The following CYP2U1 variants were observed in gnomAD, a reference collection of about 807,000 sequenced individuals.
CYP2U1 encodes the protein cytochrome P450 family 2 subfamily U member 1.
CYP2U1 carries 28 observed loss-of-function variants against 42.8 expected under a neutral mutation model. That is an observed-to-expected ratio of 0.65 (90% confidence interval 0.48 to 0.90). The LOEUF is 0.90. Among genes scored for constraint, CYP2U1 ranks in the 40% least tolerant of loss-of-function variants. The pLI is 0.00. For synonymous variants in CYP2U1, 296 were observed against 278.9 expected, an observed-to-expected ratio of 1.06 and a Z score of -0.61; for missense variants, 642 against 693.8, an observed-to-expected ratio of 0.93 and a Z score of 0.84.
rs182354001 is a variant in CYP2U1 at position 107,944,089 on chromosome 4, T to C, written c.491-881T>C. 6.4e-4 allele frequency among the ~76,000 whole-genome samples: 98 copies of C among 152,300 alleles called. 1 individual carries two copies. In the South Asian group the frequency reaches 0.019, roughly 30 times the overall value. ...TCCAAATTTTGATGTCCAGTAGTTCTAATCTAGTTGGGCTATTCATTTAGT... is the reference window on the plus strand; with the variant it reads ...TCCAAATTTTGATGTCCAGTAGTTCCAATCTAGTTGGGCTATTCATTTAGT... On this transcript the variant is annotated intron_variant, in intron 1 of 4. Transcript: ENST00000332884.
At chr4:107,937,434 C>T (rs1733311750) in intron 1 of CYP2U1, 1 of 152,056 alleles carries the variant, frequency 6.6e-6, no homozygotes, top group Non-Finnish European at 1.5e-5. Context: ...ACAACATCCT[C>T]TGTTCAGTAG....
At chr4:107,935,516 A>G (rs1184003966) in intron 1 of CYP2U1, 13 of 152,238 alleles carry the variant, frequency 8.5e-5, no homozygotes, top group Admixed American at 8.5e-4. Flanking sequence ...CATGAAGTAA[A>G]TGCTTGTGGA....
intron 2 of CYP2U1, 57 bp from the exon 3 acceptor site, chr4:107,947,319 G>A (rs2126200873): frequency 1.3e-6 from 2 of 1,505,706 alleles, no homozygotes; most frequent in South Asian, 1.2e-5. Flanking sequence ...GCAGAGGAGG[G>A]CACGTTCGAC....
intron 1 of CYP2U1, chr4:107,940,262 T>TTA (rs1553937016): frequency 6.6e-6 from 1 of 151,460 alleles, no homozygotes; most frequent in Non-Finnish European, 1.5e-5. Flanking sequence ...ATTTTTTTTT[T>TTA]ATTTTTTAAA....
chr4:107,949,662 C>T (rs1194935309), intron 4 of CYP2U1, 145 bp downstream of exon 4: 2 of 693,520 alleles, frequency 2.9e-6, no homozygotes, highest in East Asian at 6.3e-5. Context: ...AAGGCATCTC[C>T]CCTATGTTCA....
intron 1 of CYP2U1, among the ~76,000 whole-genome samples, chr4:107,944,508 G>C (rs1009306697): frequency 6.0e-5 from 9 of 149,382 alleles, no homozygotes; most frequent in African/African-American, 2.0e-4. Flanking sequence ...GTCTTGTTCT[G>C]TTGCCCAAGC....
intron 1 of CYP2U1, chr4:107,936,097 GTCT>G (rs1000683169): frequency 2.0e-5 from 3 of 152,002 alleles, no homozygotes; most frequent in Admixed American, 6.6e-5. Flanking sequence ...AGACAAGGTG[GTCT>G]TCTTCTTAAG....
At chr4:107,947,678 T>G in intron 3 of CYP2U1, 141 bp downstream of exon 3, 4 of 833,130 alleles carry the variant, frequency 4.8e-6, no homozygotes, top group Non-Finnish European at 7.4e-6. Flanking sequence ...TGTAATAAAA[T>G]GTCTAGGGAA....
At position 107,949,354 on chromosome 4, in the gene CYP2U1, C is replaced by A; in HGVS notation, c.1293C>A (p.Leu431=). The A allele has an allele frequency of 1.3e-6, 2 of 1,526,488 alleles. No homozygotes were observed. The highest frequency in any genetic ancestry group is 2.4e-5 in the East Asian group (1 of 42,420). The allele number at this position is 1,526,488 out of a possible 1,614,324, so 94.6% of individuals were successfully genotyped here. ...ATATGTTTCCTTTTGTTTTAGTGCTCCAAGGGTATACCATTCCTAAAGGCA... is the reference window on the plus strand; with the variant it reads ...ATATGTTTCCTTTTGTTTTAGTGCTACAAGGGTATACCATTCCTAAAGGCA... ...IPHMTSENTV[L]QGYTIPKGTL... is the part of the protein sequence containing the mutation. Residue 431 remains leucine, a synonymous_variant, in exon 4 of 5, where the codon CTC becomes CTA. Transcript: ENST00000332884.
rs1409683163 is a variant in CYP2U1 at position 107,952,104 on chromosome 4, G to A, written c.*1681G>A. On this transcript the variant is annotated 3_prime_UTR_variant, in exon 5 of 5. Coordinates refer to ENST00000332884, the MANE Select transcript of CYP2U1 (RefSeq NM_183075.3). ...TTGTGCTGTTTGCCTCCCTCACAGT[G>A]CCTTGGTCTTAGTGGATGCCCAGTT... 2 of 152,256 alleles carry A rather than the reference G, an allele frequency of 1.3e-5. No individual in the cohort carries two copies. Among genetic ancestry groups the A allele is most frequent in the Non-Finnish European group, 2.9e-5 (2 of 68,050 alleles). The allele number at this position is 152,256 out of a possible 1,614,324, so 9.4% of individuals were successfully genotyped here. A position where few individuals can be genotyped will look rare whatever the true frequency, so the allele number is the denominator to read the frequency against.
Position 107,932,117 on chromosome 4 carries a change from C to A in CYP2U1, c.474C>A (p.Ile158=), listed in dbSNP as rs1160910421. The stretch of plus-strand genomic sequence containing the variant: ...GCCCGCGGGTGCCGCTCATCTCCAT[C>A]GTGACCAAGGAGAAGGGTGAGCGGG... ...SDRPRVPLIS[I]VTKEKGVVFA... Residue 158 remains isoleucine, a synonymous_variant, in exon 1 of 5, where the codon ATC becomes ATA. Coordinates refer to ENST00000332884, the MANE Select transcript of CYP2U1 (RefSeq NM_183075.3). 1 of 1,604,018 alleles carries A rather than the reference C, an allele frequency of 6.2e-7. No individual in the cohort carries two copies. Among genetic ancestry groups the A allele is most frequent in the Non-Finnish European group, 8.5e-7 (1 of 1,176,176 alleles).
At position 107,952,907 on chromosome 4, in the gene CYP2U1, T is replaced by C. The variant is rs532538224; in HGVS notation, c.*2484T>C. ...CCGTATAGATAAATGAAATACAGGCTAATCTTTAGGTGTCTTAGGAATTTT... is the reference window on the plus strand; with the variant it reads ...CCGTATAGATAAATGAAATACAGGCCAATCTTTAGGTGTCTTAGGAATTTT... On this transcript the variant is annotated 3_prime_UTR_variant, in exon 5 of 5. Transcript: ENST00000332884. 4 of 152,316 alleles carry C rather than the reference T, an allele frequency of 2.6e-5. No individual in the cohort carries two copies. In the East Asian group the frequency reaches 7.7e-4, roughly 29 times the overall value. The allele number at this position is 152,316 out of a possible 1,614,324, so 9.4% of individuals were successfully genotyped here. A position where few individuals can be genotyped will look rare whatever the true frequency, so the allele number is the denominator to read the frequency against.
rs1732980696 is a variant in CYP2U1, at chr4:107,931,685, G to A, written c.42G>A (p.Pro14=). The A allele has an allele frequency of 1.5e-6, 2 of 1,333,448 alleles. No individual in the cohort carries two copies. The highest frequency in any genetic ancestry group is 3.1e-5 in the African/African-American group (2 of 64,632). 82.6% of individuals were successfully genotyped at this position (1,333,448 alleles called of 1,614,324 possible). A position where few individuals can be genotyped will look rare whatever the true frequency, so the allele number is the denominator to read the frequency against. ...PGPSQPPAED[P]PWPARLLRAP... is the part of the protein sequence containing the mutation. ...CGTCGCAGCCGCCGGCCGAGGACCC[G>A]CCCTGGCCCGCGCGCCTCCTGCGTG... Residue 14 remains proline (P), a synonymous_variant, in exon 1 of 5, where the codon CCG becomes CCA. Coordinates refer to ENST00000332884, the MANE Select transcript of CYP2U1 (RefSeq NM_183075.3).
chr4:107,942,525 C>A (rs1733534281), intron 1 of CYP2U1, among the ~76,000 whole-genome samples: 1 of 152,142 alleles, frequency 6.6e-6, no homozygotes, highest in African/African-American at 2.4e-5. Context: ...CTATTTATAT[C>A]TTATTATAAA....
In CYP2U1 at chr4:107,949,434, A is replaced by G. The variant is rs776264165; in HGVS notation, c.1373A>G (p.Lys458Arg). The G allele has an allele frequency of 2.5e-6, 4 of 1,611,898 alleles. No individual in the cohort carries two copies. In the Admixed American group the frequency reaches 6.7e-5, roughly 27 times the overall value. The change falls in exon 4 of 5, where the codon AAA (lysine) becomes AGA (arginine). Residue 458 changes from lysine (K) to arginine (R), a missense_variant. Physicochemically the swap from Lys to Arg is conservative, Grantham distance 26 (BLOSUM62 2). Coordinates refer to ENST00000332884, the MANE Select transcript of CYP2U1 (RefSeq NM_183075.3). ...SVHRDPAIWE[K>R]PEDFYPNRFL... is the part of the protein sequence containing the mutation. ...CATAGAGACCCAGCCATTTGGGAGAAACCGGAGGATTTCTACCCTAATCGA... is the reference window on the plus strand; with the variant it reads ...CATAGAGACCCAGCCATTTGGGAGAGACCGGAGGATTTCTACCCTAATCGA...
Position 107,931,600 on chromosome 4 carries a change from C to A in CYP2U1, c.-44C>A. Reference sequence around the variant, plus strand: ...GGGTCAGGCAGCTGCGTGCGCGTCTCCTCCAGGCAGCAAGGGGAACCCGAG... The same window carrying A: ...GGGTCAGGCAGCTGCGTGCGCGTCTACTCCAGGCAGCAAGGGGAACCCGAG... On this transcript the variant is annotated 5_prime_UTR_variant, in exon 1 of 5. Coordinates refer to ENST00000332884, the MANE Select transcript of CYP2U1 (RefSeq NM_183075.3). 8.0e-7 allele frequency: 1 copy of A among 1,244,266 alleles called. No homozygotes were observed. Among genetic ancestry groups the A allele is most frequent in the Non-Finnish European group, 1.0e-6 (1 of 996,838 alleles). 77.1% of individuals were successfully genotyped at this position (1,244,266 alleles called of 1,614,324 possible).
Position 107,931,823 on chromosome 4 carries a change from G to GC in CYP2U1, c.183dup (p.Gly62ArgfsTer36). On this transcript the variant is annotated frameshift_variant, in exon 1 of 5. Coordinates refer to ENST00000332884, the MANE Select transcript of CYP2U1 (RefSeq NM_183075.3). LOFTEE classifies it high-confidence loss of function. The stretch of plus-strand genomic sequence containing the variant: ...GGAGGCGCCGGGCGCGGGGCATCCC[G>GC]CCCGGGCCCACGCCCTGGCCTCTGG... 1.3e-6 allele frequency: 2 copies of GC among 1,528,010 alleles called. No individual in the cohort carries two copies. The highest frequency in any genetic ancestry group is 2.5e-5 in the South Asian group (2 of 81,340). The allele number at this position is 1,528,010 out of a possible 1,614,324, so 94.7% of individuals were successfully genotyped here.
Position 107,949,409 on chromosome 4 carries a change from C to T in CYP2U1, c.1348C>T (p.His450Tyr). ...TLILPNLWSV[H>Y]RDPAIWEKPE... ...GATCTTACCCAACCTGTGGTCAGTA[C>T]ATAGAGACCCAGCCATTTGGGAGAA... The change falls in exon 4 of 5, where the codon CAT becomes TAT. Residue 450 changes from histidine (H) to tyrosine (Y), a missense_variant. His to Tyr is a moderately conservative substitution (Grantham distance 83, BLOSUM62 2). Coordinates refer to ENST00000332884, the MANE Select transcript of CYP2U1 (RefSeq NM_183075.3). 1 of 1,610,818 alleles carries T rather than the reference C, an allele frequency of 6.2e-7. No homozygotes were observed. Among genetic ancestry groups the T allele is most frequent in the African/African-American group, 1.3e-5 (1 of 74,892 alleles).
chr4:107,932,330 G>GC, intron 1 of CYP2U1, 197 bp downstream of exon 1: 1 of 552,806 alleles, frequency 1.8e-6, no homozygotes, highest in Non-Finnish European at 2.3e-6. Flanking sequence ...AAGTAGTGAC[G>GC]GACGCGTGAC....
Sources: allele counts gnomAD v4.1 joint callset (sites outside exome capture counted in the v4.1 genomes callset), GRCh38; gene constraint gnomAD v4.1.1; transcripts MANE v1.5; gene names NCBI Gene and HGNC (gene_info 2026-07-23, HGNC 2026-07-21).